The following CDH12 variants were observed in gnomAD, a reference collection of about 807,000 sequenced individuals.
The protein encoded by CDH12 is cadherin-12.
Under a neutral mutation model 74.1 loss-of-function variants are expected in CDH12, and 41 were observed. The ratio of observed to expected loss-of-function variants is 0.55; its 90% CI spans 0.43 to 0.72. The LOEUF is 0.72. Ranked by LOEUF, CDH12 falls within the 30% of genes least tolerant of loss-of-function variation. The pLI is 0.00. For synonymous variants in CDH12, 399 were observed against 355.0 expected (o/e 1.12, Z -1.39); for missense variants, 945 against 977.2 (o/e 0.97, Z 0.44).
chr5:22,035,761 G>A (rs1739140228), intron 5 of CDH12, among the ~76,000 whole-genome samples: 1 of 147,418 alleles, frequency 6.8e-6, no homozygotes, highest in Non-Finnish European at 1.5e-5. Flanking sequence ...CTCCCCAGAG[G>A]AAGGTTTCCA....
chr5:22,023,579 C>A (rs117444863), intron 5 of CDH12, among the ~76,000 whole-genome samples: 4,010 of 148,394 alleles, frequency 0.027, 97 homozygotes, highest in East Asian at 0.068. Flanking sequence ...TTCTCTCTCT[C>A]TATATATATA....
intron 1 of CDH12, among the ~76,000 whole-genome samples, chr5:22,777,332 A>G (rs1200959302): frequency 1.3e-5 from 2 of 152,094 alleles, no homozygotes; most frequent in African/African-American, 4.8e-5. Context: ...TATTCAGTTG[A>G]TACATTGTTT....
intron 1 of CDH12, among the ~76,000 whole-genome samples, chr5:22,786,205 A>C (rs1411147398): frequency 6.6e-6 from 1 of 152,186 alleles, no homozygotes; most frequent in African/African-American, 2.4e-5. Context: ...TTAGCAAACT[A>C]ATGCAGGAAC....
At chr5:22,508,415 A>C (rs993062487) in intron 1 of CDH12, among the ~76,000 whole-genome samples, 1 of 152,200 alleles carries the variant, frequency 6.6e-6, no homozygotes, top group African/African-American at 2.4e-5. Context: ...TTTCTTTGCC[A>C]TATGTTGAAC....
chr5:21,784,934 T>C (rs2149899803), intron 10 of CDH12, among the ~76,000 whole-genome samples: 1 of 152,300 alleles, frequency 6.6e-6, no homozygotes, highest in East Asian at 1.9e-4. Context: ...CTTCACTGTA[T>C]CGTACTTCAC....
chr5:22,831,371 CTGTG>C (rs70959760), intron 1 of CDH12, among the ~76,000 whole-genome samples: 1,778 of 146,740 alleles, frequency 0.012, 47 homozygotes, highest in African/African-American at 0.043. Context: ...GTGTGTGTGT[CTGTG>C]TGTGTGTGTG....
chr5:22,799,161 G>C (rs890966030), intron 1 of CDH12, among the ~76,000 whole-genome samples: 3 of 151,974 alleles, frequency 2.0e-5, no homozygotes, highest in African/African-American at 4.8e-5. Flanking sequence ...AACAGAAACT[G>C]TCTCCATATG....
intron 13 of CDH12, among the ~76,000 whole-genome samples, chr5:21,756,326 A>G (rs1441512007): frequency 6.6e-6 from 1 of 152,086 alleles, no homozygotes; most frequent in Non-Finnish European, 1.5e-5. Context: ...TATATGTTAT[A>G]TATGTTTGTA....
At chr5:21,808,489 C>T (rs972013370) in intron 9 of CDH12, among the ~76,000 whole-genome samples, 1 of 151,530 alleles carries the variant, frequency 6.6e-6, no homozygotes, top group Non-Finnish European at 1.5e-5. Context: ...GAAGGAATAC[C>T]GTCAATGAAC....
At chr5:22,806,693 T>C (rs1175333949) in intron 1 of CDH12, among the ~76,000 whole-genome samples, 1 of 152,134 alleles carries the variant, frequency 6.6e-6, no homozygotes, top group Non-Finnish European at 1.5e-5. Flanking sequence ...TGTTATCTCA[T>C]TGTGGTTTTG....
intron 1 of CDH12, among the ~76,000 whole-genome samples, chr5:22,702,321 C>T (rs192356631): frequency 1.1e-3 from 164 of 152,204 alleles, no homozygotes; most frequent in South Asian, 5.8e-3. Context: ...GTTCATATTT[C>T]GTCACCCATA....
At chr5:22,295,692 T>TAA (rs1343842842) in intron 3 of CDH12, among the ~76,000 whole-genome samples, 1 of 152,134 alleles carries the variant, frequency 6.6e-6, no homozygotes, top group East Asian at 1.9e-4. Flanking sequence ...ATGTTTATTA[T>TAA]ACTGACAATA....
intron 9 of CDH12, among the ~76,000 whole-genome samples, chr5:21,804,908 A>G (rs1747347179): frequency 6.6e-6 from 1 of 152,146 alleles, no homozygotes; most frequent in Admixed American, 6.6e-5. Context: ...ATGATGTGTA[A>G]GATAGAAGCG....
At chr5:22,713,807 C>T (rs569899853) in intron 1 of CDH12, among the ~76,000 whole-genome samples, 23 of 152,058 alleles carry the variant, frequency 1.5e-4, no homozygotes, top group Admixed American at 5.9e-4. Flanking sequence ...CCAGAATTCA[C>T]CTTATCCTGA....
intron 4 of CDH12, among the ~76,000 whole-genome samples, chr5:22,132,858 A>G (rs1378095273): frequency 6.6e-6 from 1 of 152,044 alleles, no homozygotes; most frequent in African/African-American, 2.4e-5. Context: ...CACTAACTGA[A>G]CCAAATTCCA....
intron 3 of CDH12, among the ~76,000 whole-genome samples, chr5:22,242,845 ACCATT>A (rs1310323762): frequency 6.6e-6 from 1 of 152,094 alleles, no homozygotes; most frequent in African/African-American, 2.4e-5. Flanking sequence ...ACTCTGCAGG[ACCATT>A]CAACTGAGCT....
intron 4 of CDH12, chr5:22,172,339 A>C (rs1749077797): frequency 6.6e-6 from 1 of 151,808 alleles, no homozygotes; most frequent in Admixed American, 6.6e-5. Context: ...TCAGCATGTT[A>C]CCTGAGCCTC....
rs370572145 is a variant in CDH12 at position 21,909,032 on chromosome 5, A to T, written c.527-54242T>A. 1.3e-4 allele frequency among the ~76,000 whole-genome samples: 20 copies of T among 152,164 alleles called. No individual in the cohort carries two copies. The East Asian group carries it at 1.9e-3, about 15-fold the overall frequency. On this transcript the variant is annotated intron_variant, in intron 6 of 14. Transcript: ENST00000382254. ...TCCTTGGCTTCTGTCTGTTTTTTGA[A>T]TTCTATTCTTATAACAAATAAACCA... is the stretch of plus-strand genomic sequence containing the variant.
chr5:22,331,365 C>A (rs1035690351), intron 3 of CDH12, among the ~76,000 whole-genome samples: 1 of 152,048 alleles, frequency 6.6e-6, no homozygotes, highest in Admixed American at 6.6e-5. Flanking sequence ...GGTGGTTCAG[C>A]ACAGAAAGAG....
Sources: allele counts gnomAD v4.1 joint callset (sites outside exome capture counted in the v4.1 genomes callset), GRCh38; gene constraint gnomAD v4.1.1; transcripts MANE v1.5; gene names NCBI Gene and HGNC (gene_info 2026-07-23, HGNC 2026-07-21).